The following HUWE1 variants were observed in gnomAD, a reference collection of about 807,000 sequenced individuals.
HUWE1 encodes the protein HECT, UBA and WWE domain containing E3 ubiquitin protein ligase 1, also known as E3 ubiquitin-protein ligase HUWE1.
HUWE1 carries 18 observed loss-of-function variants against 299.4 expected under a neutral mutation model. That is an observed-to-expected ratio of 0.06 (90% CI 0.04 to 0.09). HUWE1 has a LOEUF of 0.09. Ranked by LOEUF, HUWE1 falls within the 10% of genes least tolerant of loss-of-function variation. HUWE1 has a pLI of 1.00. For missense variants in HUWE1, 1,832 were observed against 3,462.3 expected (o/e 0.53, Z 11.82); for synonymous variants, 1,317 against 1,286.1 (o/e 1.02, Z -0.51).
chrX:53,549,767 G>A (rs1167112853), intron 66 of HUWE1, among the ~76,000 whole-genome samples: 1 of 103,258 alleles, frequency 9.7e-6, no homozygotes, highest in Non-Finnish European at 2.0e-5. Context: ...CCAGCTTTTT[G>A]TTGAGATGGA....
intron 3 of HUWE1, among the ~76,000 whole-genome samples, chrX:53,666,946 G>GA (rs1366909073): frequency 4.5e-5 from 5 of 111,733 alleles, no homozygotes; most frequent in African/African-American, 6.5e-5. Flanking sequence ...TTGGTGAACT[G>GA]AAAAAAACAA....
chrX:53,671,469 A>G (rs1002798955), intron 3 of HUWE1, among the ~76,000 whole-genome samples: 7 of 111,579 alleles, frequency 6.3e-5, no homozygotes, highest in Admixed American at 1.9e-4. Flanking sequence ...TAAATTCTGC[A>G]TACAATAAAA....
At chrX:53,534,475 G>A in intron 82 of HUWE1, 41 bp downstream of exon 82, 2 of 1,144,108 alleles carry the variant, frequency 1.7e-6, no homozygotes, top group Non-Finnish European at 2.4e-6. Flanking sequence ...GTTGCCTAGG[G>A]TAAGAGGACC....
intron 47 of HUWE1, among the ~76,000 whole-genome samples, 199 bp downstream of exon 47, chrX:53,573,551 G>A (rs184411293): frequency 2.2e-4 from 25 of 112,300 alleles, no homozygotes; most frequent in Non-Finnish European, 3.2e-4. Flanking sequence ...CAGGTGATCC[G>A]CCTGCTTCAG....
chrX:53,570,444 CTTAA>C, intron 47 of HUWE1, among the ~76,000 whole-genome samples: 1 of 112,480 alleles, frequency 8.9e-6, no homozygotes, highest in South Asian at 3.7e-4. Flanking sequence ...AACCTTGATT[CTTAA>C]TTAAGTGCTA....
Position 53,548,120 on chromosome X carries a change from T to C in HUWE1, c.10189A>G (p.Asn3397Asp). 8.3e-7 allele frequency: 1 copy of C among 1,208,448 alleles called. No homozygotes were observed. ...DFWDLLVKLD[N>D]MNVSRKGKNS... is the part of the protein sequence containing the mutation. ...TTGCCTTTCCGGCTGACATTCATGT[T>C]GTCCAGTTTTACCAATAAGTCCCAG... is the stretch of plus-strand genomic sequence containing the variant. The change falls in exon 68 of 84, where the codon AAC (asparagine) becomes GAC (aspartate). Residue 3397 changes from asparagine to aspartate, a missense_variant. Asn to Asp is a conservative substitution (Grantham distance 23). This residue lies in a region of HUWE1 where 80 missense variants were observed against 142.1 expected (regional missense o/e 0.56). Transcript: ENST00000262854.
chrX:53,541,227 G>C (rs1448127463), intron 74 of HUWE1, among the ~76,000 whole-genome samples: 1 of 111,749 alleles, frequency 8.9e-6, no homozygotes, highest in Non-Finnish European at 1.9e-5. Flanking sequence ...TTTAAACAAG[G>C]AAACCTAACA....
intron 44 of HUWE1, 59 bp from the exon 45 acceptor site, chrX:53,575,847 G>T: frequency 9.0e-7 from 1 of 1,107,902 alleles, no homozygotes; most frequent in Non-Finnish European, 1.2e-6. Context: ...ATTGGACAAT[G>T]TTAAGGCCTA....
intron 31 of HUWE1, among the ~76,000 whole-genome samples, chrX:53,594,043 G>A (rs1233831261): frequency 1.8e-5 from 2 of 110,880 alleles, no homozygotes; most frequent in African/African-American, 6.6e-5. Flanking sequence ...CTTGCAGTGA[G>A]TTGAGTTTGC....
chrX:53,613,925 T>C (rs1178750293), intron 23 of HUWE1, among the ~76,000 whole-genome samples: 1 of 112,149 alleles, frequency 8.9e-6, no homozygotes, highest in African/African-American at 3.2e-5. Context: ...GTCCATTAAC[T>C]TGATGGACCA....
intron 70 of HUWE1, 136 bp from the exon 71 acceptor site, chrX:53,545,297 T>C: frequency 1.6e-6 from 1 of 632,840 alleles, no homozygotes; most frequent in South Asian, 2.4e-5. Flanking sequence ...GCTGGAATCG[T>C]GCTCTGTTCA....
intron 33 of HUWE1, 35 bp downstream of exon 33, chrX:53,592,363 A>G: frequency 1.2e-5 from 13 of 1,056,260 alleles, no homozygotes; most frequent in Non-Finnish European, 1.7e-5. Context: ...TTGGGTGCAA[A>G]GTCTGGACCC....
Position 53,575,920 on chromosome X carries a change from G to A in HUWE1, c.5885-132C>T, listed in dbSNP as rs2063081318. ...TGACTGTTTACATGGTGCTATTACA[G>A]ATAATGTTAGAGTGCCTCACCCTAA... On this transcript the variant is annotated intron_variant, in intron 44 of 83. Coordinates refer to ENST00000262854, the MANE Select transcript of HUWE1 (RefSeq NM_031407.7). The A allele has an allele frequency of 1.1e-5, 7 of 652,838 alleles. No homozygotes were observed. The South Asian group carries it at 1.7e-4, about 16-fold the overall frequency. The allele number at this position is 652,838 out of a possible 1,213,427, so 53.8% of individuals were successfully genotyped here. A position where few individuals can be genotyped will look rare whatever the true frequency, so the allele number is the denominator to read the frequency against.
intron 7 of HUWE1, among the ~76,000 whole-genome samples, chrX:53,642,523 T>C (rs1325450964): frequency 7.2e-5 from 8 of 111,881 alleles, no homozygotes; most frequent in Non-Finnish European, 1.1e-4. Context: ...CAAATGATGA[T>C]GCAATACTCT....
At chrX:53,629,131 C>A (rs934914901) in intron 13 of HUWE1, among the ~76,000 whole-genome samples, 1 of 110,707 alleles carries the variant, frequency 9.0e-6, no homozygotes, top group African/African-American at 3.3e-5. Context: ...CTGGGAAAAA[C>A]CAAAAGGCAA....
rs1556921231 is a variant in HUWE1, at chrX:53,544,740, C to T, written c.11071G>A (p.Val3691Ile). 5.0e-6 allele frequency: 6 copies of T among 1,206,419 alleles called. No individual in the cohort carries two copies. The Admixed American group carries it at 1.1e-4, about 22-fold the overall frequency. The change falls in exon 72 of 84, where the codon GTA becomes ATA. Residue 3691 changes from valine to isoleucine, a missense_variant. Around this residue, in one of 15 missense-constraint regions of HUWE1, gnomAD observed 41 missense variants for 124.0 expected, o/e 0.33. Transcript: ENST00000262854. ...GGTCGCTTCTGAGATGCCACAATTACCACATTCTCAGCCATGTCAAACCTG... is the reference window on the plus strand; with the variant it reads ...GGTCGCTTCTGAGATGCCACAATTATCACATTCTCAGCCATGTCAAACCTG... ...QSRFDMAENVVIVASQKRPLG... is the reference protein window; with the variant it reads ...QSRFDMAENVIIVASQKRPLG...
chrX:53,552,256 G>A, intron 63 of HUWE1, 55 bp downstream of exon 63: 1 of 1,193,110 alleles, frequency 8.4e-7, no homozygotes, highest in Non-Finnish European at 1.1e-6. Flanking sequence ...TCCATGCCAA[G>A]GGCTACTAGA....
rs782385193 is a variant in HUWE1, at chrX:53,543,923, C to T, written c.11297G>A (p.Arg3766Gln). The T allele has an allele frequency of 1.7e-6, 2 of 1,208,870 alleles. No individual in the cohort carries two copies. Among genetic ancestry groups the T allele is most frequent in the East Asian group, 3.0e-5 (1 of 33,792 alleles). Residue 3766 changes from arginine (R) to glutamine (Q), a missense_variant, in exon 73 of 84, where the codon CGG (arginine) becomes CAG (glutamine). Transcript: ENST00000262854. ...GSASSIQAAV[R>Q]QLEAEADAII... ...GGCATCAGCCTCAGCCTCCAGCTGC[C>T]GAACAGCTGCCTGGATGCTGCTAGC...
rs2068212635 is a variant in HUWE1, at chrX:53,648,430, T to G, written c.46-120A>C. The G allele has an allele frequency of 2.1e-5, 10 of 481,913 alleles. No homozygotes were observed. The South Asian group carries it at 2.8e-4, about 13-fold the overall frequency. The allele number at this position is 481,913 out of a possible 1,213,427, so 39.7% of individuals were successfully genotyped here. A position where few individuals can be genotyped will look rare whatever the true frequency, so the allele number is the denominator to read the frequency against. ...TTTTCCTTTTGCTAGGATTTACTAC[T>G]TAAGAAAACGAGATGTGCCAGACAA... On this transcript the variant is annotated intron_variant, in intron 4 of 83. Transcript: ENST00000262854.
Sources: allele counts gnomAD v4.1 joint callset (sites outside exome capture counted in the v4.1 genomes callset), GRCh38; gene constraint gnomAD v4.1.1; regional missense constraint gnomAD v4.1.1; transcripts MANE v1.5; gene names NCBI Gene and HGNC (gene_info 2026-07-23, HGNC 2026-07-21).